Variants in EPN2 observed in about 807,000 individuals in gnomAD.
EPN2 encodes the protein epsin-2.
In EPN2, 34 loss-of-function variants were observed where a neutral mutation model predicts 61.7. That is an observed-to-expected ratio of 0.55 (90% CI 0.42 to 0.73). The LOEUF is 0.73. EPN2 is among the 30% of genes least tolerant of loss of function. The probability of loss-of-function intolerance (pLI) is 0.00; values close to 1 mark genes in which losing one functional copy is unlikely to be tolerated. For synonymous variants in EPN2, 349 were observed against 353.6 expected, an observed-to-expected ratio of 0.99 and a Z score of 0.15; for missense variants, 714 against 839.2, an observed-to-expected ratio of 0.85 and a Z score of 1.84.
intron 4 of EPN2, among the ~76,000 whole-genome samples, chr17:19,299,891 A>G (rs1262569352): frequency 1.3e-5 from 2 of 152,220 alleles, no homozygotes; most frequent in African/African-American, 4.8e-5. Context: ...GTAGTGGAGA[A>G]GTTAGAGCCA....
intron 7 of EPN2, among the ~76,000 whole-genome samples, chr17:19,323,675 C>T (rs1250405799): frequency 6.6e-6 from 1 of 152,198 alleles, no homozygotes; most frequent in African/African-American, 2.4e-5. Flanking sequence ...AAAACACAGT[C>T]AACTAGAAAG....
chr17:19,252,978 G>A (rs917548474), intron 1 of EPN2, among the ~76,000 whole-genome samples: 1 of 152,192 alleles, frequency 6.6e-6, no homozygotes, highest in Non-Finnish European at 1.5e-5. Flanking sequence ...TGGGGTTATA[G>A]GCATGAGCCA....
intron 7 of EPN2, among the ~76,000 whole-genome samples, chr17:19,314,053 GT>G (rs1906270736): frequency 6.6e-6 from 1 of 152,152 alleles, no homozygotes; most frequent in Admixed American, 6.5e-5. Context: ...ATCTCCTGGA[GT>G]CTCTGTTTCT....
chr17:19,287,465 C>G lies in EPN2; in HGVS notation c.766+1675C>G, dbSNP rs1320533076. Among the ~76,000 whole-genome samples, 3 of 152,196 alleles carry G rather than the reference C, an allele frequency of 2.0e-5. No homozygotes were observed. The East Asian group carries it at 5.8e-4, about 29-fold the overall frequency. The stretch of plus-strand genomic sequence containing the variant: ...TCTCCACATCTCACTCCCTCCCCGT[C>G]AGAGGGTAGGGGGCTGTCGGAGTCC... On this transcript the variant is annotated intron_variant, in intron 4 of 10. Transcript: ENST00000314728.
chr17:19,238,440 A>G (rs184431184), intron 1 of EPN2, among the ~76,000 whole-genome samples: 30 of 152,184 alleles, frequency 2.0e-4, no homozygotes, highest in African/African-American at 6.0e-4. Context: ...CTCCCTGTGA[A>G]TCCCCCCGCC....
At chr17:19,266,931 A>G (rs8082012) in intron 1 of EPN2, among the ~76,000 whole-genome samples, 3 of 146,680 alleles carry the variant, frequency 2.0e-5, no homozygotes, top group Non-Finnish European at 3.0e-5. Flanking sequence ...TCAGGCCTGT[A>G]ATCCCAGCAC....
At chr17:19,298,042 A>AT (rs1304706924) in intron 4 of EPN2, among the ~76,000 whole-genome samples, 1 of 150,958 alleles carries the variant, frequency 6.6e-6, no homozygotes. Flanking sequence ...TGCCCAGCTA[A>AT]TTTTTGTATT....
At chr17:19,256,483 G>A (rs2045081177) in intron 1 of EPN2, among the ~76,000 whole-genome samples, 2 of 150,660 alleles carry the variant, frequency 1.3e-5, no homozygotes, top group African/African-American at 4.9e-5. Context: ...TTTGAGAACT[G>A]CTGCTTTAGG....
chr17:19,267,465 A>G (rs1012733527), intron 1 of EPN2, among the ~76,000 whole-genome samples: 1 of 152,094 alleles, frequency 6.6e-6, no homozygotes, highest in African/African-American at 2.4e-5. Context: ...GACTTCGTAT[A>G]TGTTACTTAA....
chr17:19,255,570 T>G (rs912230635), intron 1 of EPN2, among the ~76,000 whole-genome samples: 2 of 148,762 alleles, frequency 1.3e-5, no homozygotes, highest in Non-Finnish European at 1.5e-5. Context: ...GTTTTTTTTT[T>G]TTTTTTTTTT....
At chr17:19,307,550 A>G (rs576760907) in intron 4 of EPN2, among the ~76,000 whole-genome samples, 1 of 152,162 alleles carries the variant, frequency 6.6e-6, no homozygotes, top group Non-Finnish European at 1.5e-5. Context: ...CTGACCTCGT[A>G]GCTAGAATGG....
At chr17:19,246,767 C>G (rs1019440411) in intron 1 of EPN2, among the ~76,000 whole-genome samples, 14 of 109,550 alleles carry the variant, frequency 1.3e-4, no homozygotes, top group African/African-American at 5.2e-4. Context: ...CCCTGTGTGC[C>G]TTTTTTTTTT....
At chr17:19,284,364 G>C (rs1391225462) in intron 3 of EPN2, among the ~76,000 whole-genome samples, 1 of 152,212 alleles carries the variant, frequency 6.6e-6, no homozygotes, top group Non-Finnish European at 1.5e-5. Context: ...TCAGGGAACA[G>C]AGTGGAGTTC....
intron 1 of EPN2, among the ~76,000 whole-genome samples, chr17:19,240,971 A>G (rs1198103531): frequency 6.6e-6 from 1 of 152,188 alleles, no homozygotes; most frequent in East Asian, 1.9e-4. Flanking sequence ...TGGTTCAGCA[A>G]TTGTGTGTCA....
At chr17:19,248,651 A>G (rs2044979223) in intron 1 of EPN2, among the ~76,000 whole-genome samples, 2 of 151,964 alleles carry the variant, frequency 1.3e-5, no homozygotes, top group South Asian at 4.1e-4. Context: ...TTTATAGTCC[A>G]CTTCATTTAT....
chr17:19,328,256 A>G (rs980553900), intron 7 of EPN2, among the ~76,000 whole-genome samples: 12 of 152,128 alleles, frequency 7.9e-5, no homozygotes, highest in Non-Finnish European at 1.5e-4. Context: ...GCACATGGGG[A>G]GAGGATGCCT....
At chr17:19,332,502 C>G (rs1258933293) in intron 10 of EPN2, among the ~76,000 whole-genome samples, 1 of 152,186 alleles carries the variant, frequency 6.6e-6, no homozygotes, top group Non-Finnish European at 1.5e-5. Flanking sequence ...TGCTTCCACT[C>G]CTGGTGCCAG....
At chr17:19,274,215 C>G (rs2271237) in intron 1 of EPN2, 6,100 of 152,594 alleles carry the variant, frequency 0.04, 525 homozygotes, top group East Asian at 0.27. Flanking sequence ...GAGAGTGGCA[C>G]CCCCTCAGCT....
intron 4 of EPN2, among the ~76,000 whole-genome samples, chr17:19,297,912 A>G (rs1336530915): frequency 2.0e-5 from 3 of 152,166 alleles, no homozygotes; most frequent in Non-Finnish European, 4.4e-5. Flanking sequence ...TTTTTGAGAC[A>G]GAGTCTCACT....
Sources: allele counts gnomAD v4.1 joint callset (sites outside exome capture counted in the v4.1 genomes callset), GRCh38; gene constraint gnomAD v4.1.1; transcripts MANE v1.5; gene names NCBI Gene and HGNC (gene_info 2026-07-23, HGNC 2026-07-21).